Variants in ARHGEF12 observed in about 807,000 individuals in gnomAD.
The protein encoded by ARHGEF12 is Rho guanine nucleotide exchange factor 12.
In ARHGEF12, 66 loss-of-function variants were observed where a neutral mutation model predicts 211.2. That is an observed-to-expected ratio of 0.31 (90% confidence interval 0.26 to 0.38). ARHGEF12 has a LOEUF of 0.38. ARHGEF12 is among the 10% of genes least tolerant of loss of function. ARHGEF12 has a pLI of 1.00. For missense variants in ARHGEF12, 1,429 were observed against 1,869.5 expected (o/e 0.76, Z 4.34); for synonymous variants, 592 against 638.4 (o/e 0.93, Z 1.09).
intron 30 of ARHGEF12, among the ~76,000 whole-genome samples, chr11:120,471,401 A>G (rs889327974): frequency 1.3e-5 from 2 of 152,144 alleles, no homozygotes; most frequent in Non-Finnish European, 2.9e-5. Context: ...TCTAAGAGAG[A>G]CCAAACTATT....
chr11:120,457,016 G>T, intron 22 of ARHGEF12, 102 bp from the exon 23 acceptor site: 1 of 1,053,656 alleles, frequency 9.5e-7, no homozygotes. Context: ...TAAGAATGTA[G>T]CTATGGATTA....
At chr11:120,352,492 A>G (rs575459940) in intron 1 of ARHGEF12, among the ~76,000 whole-genome samples, 1 of 152,150 alleles carries the variant, frequency 6.6e-6, no homozygotes, top group African/African-American at 2.4e-5. Flanking sequence ...TAATATTTTT[A>G]TTTGCGTTGT....
intron 3 of ARHGEF12, 63 bp from the exon 4 acceptor site, chr11:120,409,331 T>C: frequency 1.3e-6 from 2 of 1,539,354 alleles, no homozygotes; most frequent in Non-Finnish European, 1.8e-6. Context: ...CCCCATGAAT[T>C]TTTCCCCTTA....
At chr11:120,467,404 T>A (rs1297511462) in intron 29 of ARHGEF12, 96 bp downstream of exon 29, 1 of 660,028 alleles carries the variant, frequency 1.5e-6, no homozygotes, top group African/African-American at 1.9e-5. Flanking sequence ...TGAATGGAGT[T>A]GGATTTCCAA....
intron 1 of ARHGEF12, among the ~76,000 whole-genome samples, chr11:120,387,249 G>T (rs1407092408): frequency 6.6e-6 from 1 of 151,756 alleles, no homozygotes. Flanking sequence ...GTGTGGTGGG[G>T]GGGGAGGGTG....
intron 4 of ARHGEF12, chr11:120,409,845 C>G (rs1944828634): frequency 6.1e-6 from 1 of 164,420 alleles, no homozygotes; most frequent in Non-Finnish European, 1.3e-5. Context: ...GGAATTAAGT[C>G]TTTTCCTCTA....
At chr11:120,345,164 A>G (rs1942664940) in intron 1 of ARHGEF12, among the ~76,000 whole-genome samples, 2 of 152,134 alleles carry the variant, frequency 1.3e-5, no homozygotes, top group Non-Finnish European at 2.9e-5. Flanking sequence ...TTCTGTCTCT[A>G]GTGATAAAAC....
At chr11:120,390,096 T>C (rs1396668949) in intron 1 of ARHGEF12, among the ~76,000 whole-genome samples, 1 of 152,172 alleles carries the variant, frequency 6.6e-6, no homozygotes, top group Non-Finnish European at 1.5e-5. Flanking sequence ...GTCTCTACAG[T>C]GTCCCCTACT....
Position 120,337,271 on chromosome 11 carries a change from G to T in ARHGEF12, c.28G>T (p.Asp10Tyr), listed in dbSNP as rs759744899. The T allele has an allele frequency of 1.9e-6, 3 of 1,614,130 alleles. No homozygotes were observed. Among genetic ancestry groups the T allele is most frequent in the South Asian group, 1.1e-5 (1 of 91,082 alleles). MSGTQSTIT[D>Y]RFPLKKPIRH... ...GAGTGGCACACAGTCTACTATCACCGACAGGTTGGTATGAATTCCTCCTTC... is the reference window on the plus strand; with the variant it reads ...GAGTGGCACACAGTCTACTATCACCTACAGGTTGGTATGAATTCCTCCTTC... The change falls in exon 1 of 41, where the codon GAC becomes TAC. Residue 10 changes from aspartate (D) to tyrosine (Y), a missense_variant. Transcript: ENST00000397843.
At chr11:120,428,039 C>T in intron 7 of ARHGEF12, 30 bp from the exon 8 acceptor site, 3 of 1,507,220 alleles carry the variant, frequency 2.0e-6, no homozygotes, top group African/African-American at 1.4e-5. Flanking sequence ...TTTTCCCTTC[C>T]CTTCCCTTTT....
intron 1 of ARHGEF12, among the ~76,000 whole-genome samples, chr11:120,400,537 A>C (rs1466556374): frequency 6.6e-6 from 1 of 152,218 alleles, no homozygotes; most frequent in Admixed American, 6.5e-5. Context: ...AGGTACTAGT[A>C]ATCAGATACT....
rs749088144 is a variant in ARHGEF12 at position 120,442,219 on chromosome 11, ATGT to A, written c.1302+21_1302+23del. On this transcript the variant is annotated intron_variant, in intron 15 of 40. Coordinates refer to ENST00000397843, the MANE Select transcript of ARHGEF12 (RefSeq NM_015313.3). ...CGATCAGCAGTAAGTTGCCAAGTTA[ATGT>A]TGTAATCTTTGCCTTAGTACATGGA... 5.1e-6 allele frequency: 8 copies of A among 1,571,858 alleles called. No individual in the cohort carries two copies. Among genetic ancestry groups the A allele is most frequent in the Non-Finnish European group, 6.1e-6 (7 of 1,150,454 alleles).
chr11:120,440,096 A>T (rs374540074), intron 12 of ARHGEF12, 33 bp from the exon 13 acceptor site: 32 of 1,516,410 alleles, frequency 2.1e-5, no homozygotes, highest in Non-Finnish European at 2.9e-5. Flanking sequence ...CCACCAGGTA[A>T]TTTTTCTGTT....
intron 6 of ARHGEF12, among the ~76,000 whole-genome samples, chr11:120,422,688 T>C (rs1269527794): frequency 6.6e-6 from 1 of 152,210 alleles, no homozygotes; most frequent in East Asian, 1.9e-4. Context: ...CTGACCTGTA[T>C]GCAAATAGAA....
Position 120,484,473 on chromosome 11 carries a change from G to T in ARHGEF12, c.4590G>T (p.Arg1530Ser). The change falls in exon 40 of 41, where the codon AGG becomes AGT. Residue 1530 changes from arginine (R) to serine (S), a missense_variant. This residue lies in a region of ARHGEF12 where 467 missense variants were observed against 468.4 expected (regional missense o/e 1.00). Coordinates refer to ENST00000397843, the MANE Select transcript of ARHGEF12 (RefSeq NM_015313.3). ...VEESYTILCQ[R>S]LAGSALTDKH... is the part of the protein sequence containing the mutation. ...AAAGTTACACCATTCTTTGCCAAAG[G>T]CTGGCTGGATCAGCCCTCACAGACA... 1 of 1,614,056 alleles carries T rather than the reference G, an allele frequency of 6.2e-7. No individual in the cohort carries two copies. Among genetic ancestry groups the T allele is most frequent in the Non-Finnish European group, 8.5e-7 (1 of 1,180,012 alleles).
intron 4 of ARHGEF12, chr11:120,410,489 G>A (rs1944850943): frequency 6.6e-6 from 1 of 151,926 alleles, no homozygotes; most frequent in African/African-American, 2.4e-5. Context: ...GCTCCCCCAG[G>A]TGCAGATAGA....
chr11:120,467,382 C>A, intron 29 of ARHGEF12, 74 bp downstream of exon 29: 2 of 808,156 alleles, frequency 2.5e-6, no homozygotes, highest in Non-Finnish European at 4.0e-6. Flanking sequence ...TAAATAATAT[C>A]TTACAGCGTC....
At chr11:120,418,841 G>A (rs1186067703) in intron 4 of ARHGEF12, among the ~76,000 whole-genome samples, 1 of 151,992 alleles carries the variant, frequency 6.6e-6, no homozygotes, top group Admixed American at 6.6e-5. Flanking sequence ...GTTTATTTAA[G>A]TATTTTGCCC....
chr11:120,380,292 A>AT (rs1391448616), intron 1 of ARHGEF12, among the ~76,000 whole-genome samples: 1 of 152,208 alleles, frequency 6.6e-6, no homozygotes, highest in East Asian at 1.9e-4. Flanking sequence ...TTATTGTGGT[A>AT]TATCTGTGAA....
Sources: allele counts gnomAD v4.1 joint callset (sites outside exome capture counted in the v4.1 genomes callset), GRCh38; gene constraint gnomAD v4.1.1; regional missense constraint gnomAD v4.1.1; transcripts MANE v1.5; gene names NCBI Gene and HGNC (gene_info 2026-07-23, HGNC 2026-07-21).